IVD: variants seen among roughly 807,000 people sequenced by gnomAD.
IVD encodes the protein isovaleryl-CoA dehydrogenase, mitochondrial.
IVD carries 31 observed loss-of-function variants against 51.3 expected under a neutral mutation model. The ratio of observed to expected loss-of-function variants is 0.60; its 90% CI spans 0.45 to 0.81. The LOEUF is 0.81. Among genes scored for constraint, IVD ranks in the 40% least tolerant of loss-of-function variants. IVD has a pLI of 0.00. For synonymous variants in IVD, 205 were observed against 219.4 expected, an observed-to-expected ratio of 0.93 and a Z score of 0.58; for missense variants, 475 against 552.0, an observed-to-expected ratio of 0.86 and a Z score of 1.40.
At chr15:40,413,910 G>A (rs1891364791) in intron 7 of IVD, among the ~76,000 whole-genome samples, 1 of 152,032 alleles carries the variant, frequency 6.6e-6, no homozygotes, top group South Asian at 2.1e-4. Flanking sequence ...CCCAGGGCTG[G>A]AGTGCAATGG....
chr15:40,406,299 G>A (rs1284569831), intron 1 of IVD: 1 of 1,404,428 alleles, frequency 7.1e-7, no homozygotes, highest in Admixed American at 2.1e-5. Flanking sequence ...ACCGCTTGTG[G>A]CACAAGGGCC....
chr15:40,411,897 G>T (rs1891128291), intron 6 of IVD, among the ~76,000 whole-genome samples: 1 of 152,208 alleles, frequency 6.6e-6, no homozygotes, highest in Non-Finnish European at 1.5e-5. Context: ...GAAGACGGTG[G>T]AGCCGTCCTC....
At chr15:40,422,408 C>G (rs1253909563), downstream of IVD, among the ~76,000 whole-genome samples, 2 of 151,706 alleles carry the variant, frequency 1.3e-5, no homozygotes, top group Admixed American at 1.3e-4. Flanking sequence ...CTCAGCCTCC[C>G]GAGTAGCTGG....
At chr15:40,435,904 C>G (rs1893239645), downstream of IVD, 1 of 156,224 alleles carries the variant, frequency 6.4e-6, no homozygotes, top group African/African-American at 2.4e-5. Context: ...TTCCCTCGTC[C>G]TCAGCAGCCA....
chr15:40,419,169 G>T lies in IVD; in HGVS notation c.*906G>T. ...ACAAAACAAAAAAACCCTGGCCCTT[G>T]TTTCTTCCAGTTTCTAGAGGTATCA... On this transcript the variant is annotated 3_prime_UTR_variant, in exon 12 of 12. Transcript: ENST00000487418. The T allele has an allele frequency of 7.8e-7, 1 of 1,289,198 alleles. No homozygotes were observed. The highest frequency in any genetic ancestry group is 1.2e-5 in the South Asian group (1 of 81,010). The allele number at this position is 1,289,198 out of a possible 1,614,324, so 79.9% of individuals were successfully genotyped here.
At chr15:40,435,682 C>G, downstream of IVD, 1 of 1,028,100 alleles carries the variant, frequency 9.7e-7, no homozygotes, top group South Asian at 3.1e-5. Flanking sequence ...ACCCACTTCT[C>G]CAGCCTCATC....
intron 1 of IVD, among the ~76,000 whole-genome samples, chr15:40,407,315 T>C (rs939271630): frequency 6.6e-6 from 1 of 152,236 alleles, no homozygotes; most frequent in Non-Finnish European, 1.5e-5. Context: ...CTGGGGAAGC[T>C]AGGAGAGTCA....
chr15:40,418,499 A>G lies in IVD; in HGVS notation c.*236A>G. 2 of 1,348,136 alleles carry G rather than the reference A, an allele frequency of 1.5e-6. No homozygotes were observed. Among genetic ancestry groups the G allele is most frequent in the Non-Finnish European group, 1.9e-6 (2 of 1,043,146 alleles). 83.5% of individuals were successfully genotyped at this position (1,348,136 alleles called of 1,614,324 possible). A position where few individuals can be genotyped will look rare whatever the true frequency, so the allele number is the denominator to read the frequency against. On this transcript the variant is annotated 3_prime_UTR_variant, in exon 12 of 12. Transcript: ENST00000487418. ...ATTTAAAATGGACTCAGCAGGAAGC[A>G]TATTGTCTGGGGATTGTTGGGACAG... is the stretch of plus-strand genomic sequence containing the variant.
At chr15:40,422,811 G>T (rs1238973162), downstream of IVD, among the ~76,000 whole-genome samples, 1 of 124,242 alleles carries the variant, frequency 8.0e-6, no homozygotes, top group African/African-American at 2.7e-5. Context: ...TGTTGGCCAG[G>T]CTGGTCTCAA....
intron 10 of IVD, 26 bp from the exon 11 acceptor site, chr15:40,416,264 C>T (rs377138804): frequency 2.4e-4 from 387 of 1,613,994 alleles, no homozygotes; most frequent in Non-Finnish European, 3.0e-4. Context: ...TCGCAGGGCC[C>T]TGCTGACCCC....
chr15:40,435,354 GGTTGGCAGGCAGGAGCCGCTGGGGTTGT>G (rs1270091837), intron 8 of IVD: 13 of 994,566 alleles, frequency 1.3e-5, no homozygotes, highest in Non-Finnish European at 1.6e-5. Flanking sequence ...TAGAGCTCCT[GGTTGGCAGGCAGGAGCCGCTGGGGTTGT>G]GGACAGCGCT....
At chr15:40,412,851 C>T (rs1566937591) in intron 6 of IVD, 140 bp from the exon 7 acceptor site, 5 of 697,206 alleles carry the variant, frequency 7.2e-6, no homozygotes, top group Non-Finnish European at 1.3e-5. Context: ...CCGGGGGGAG[C>T]ATGGGACTAG....
At position 40,418,372 on chromosome 15, in the gene IVD, C is replaced by T; in HGVS notation, c.*109C>T. On this transcript the variant is annotated 3_prime_UTR_variant, in exon 12 of 12. Transcript: ENST00000487418. ...CAGCAGGCCCTCCTGCCCAGCTGCTCTTGTCAGCCCTCTGGCCTCTGGATG... is the reference window on the plus strand; with the variant it reads ...CAGCAGGCCCTCCTGCCCAGCTGCTTTTGTCAGCCCTCTGGCCTCTGGATG... The T allele has an allele frequency of 6.3e-7, 1 of 1,594,766 alleles. No individual in the cohort carries two copies. The highest frequency in any genetic ancestry group is 8.5e-7 in the Non-Finnish European group (1 of 1,175,164).
At chr15:40,429,441 C>A (rs1481021566), downstream of IVD, among the ~76,000 whole-genome samples, 2 of 152,174 alleles carry the variant, frequency 1.3e-5, no homozygotes, top group Non-Finnish European at 2.9e-5. Context: ...TATGAGACAT[C>A]TCAATTACTC....
intron 6 of IVD, 120 bp from the exon 7 acceptor site, chr15:40,412,871 A>G (rs1431834130): frequency 6.5e-6 from 5 of 769,188 alleles, no homozygotes; most frequent in Middle Eastern, 2.9e-4. Flanking sequence ...GGATGCTGCC[A>G]TGCTGTGCAG....
At position 40,419,135 on chromosome 15, in the gene IVD, AAAAAC is replaced by A. The variant is rs1193057986; in HGVS notation, c.*887_*891del. The A allele has an allele frequency of 1.7e-5, 22 of 1,288,792 alleles. No homozygotes were observed. The highest frequency in any genetic ancestry group is 5.6e-5 in the East Asian group (1 of 18,006). The allele number at this position is 1,288,792 out of a possible 1,614,324, so 79.8% of individuals were successfully genotyped here. A position where few individuals can be genotyped will look rare whatever the true frequency, so the allele number is the denominator to read the frequency against. On this transcript the variant is annotated 3_prime_UTR_variant, in exon 12 of 12. Coordinates refer to ENST00000487418, the MANE Select transcript of IVD (RefSeq NM_002225.5). ...TGGGCGACAAGAGCAAAACTCTTCA[AAAAAC>A]AAAACAAAACAAAAAAACCCTGGCC...
In IVD at chr15:40,408,009, C is replaced by T. The variant is rs1890652563; in HGVS notation, c.286+19C>T. The T allele has an allele frequency of 6.2e-7, 1 of 1,612,282 alleles. No homozygotes were observed. The highest frequency in any genetic ancestry group is 8.5e-7 in the Non-Finnish European group (1 of 1,178,382). On this transcript the variant is annotated intron_variant, in intron 3 of 11. Transcript: ENST00000487418. ...GCCCCTGGTGAGTATAGTGTCTTTC[C>T]CTAAAAAGAACTTTTCTTATGTGCC...
At chr15:40,431,127 GCTTT>G (rs1892946632) in intron 7 of IVD, among the ~76,000 whole-genome samples, 1 of 146,232 alleles carries the variant, frequency 6.8e-6, no homozygotes, top group South Asian at 2.2e-4. Flanking sequence ...CTATTATTAC[GCTTT>G]TTTTTTTTTT....
At chr15:40,430,286 A>G (rs1405625032) in intron 7 of IVD, among the ~76,000 whole-genome samples, 1 of 152,208 alleles carries the variant, frequency 6.6e-6, no homozygotes, top group Admixed American at 6.5e-5. Context: ...GGAGACGCAG[A>G]TGTGGTTTTC....
Sources: gnomAD v4.1 joint callset for allele counts (sites outside exome capture counted in the v4.1 genomes callset) on GRCh38, gnomAD v4.1.1 for gene constraint, MANE v1.5 for transcripts, NCBI Gene and HGNC (gene_info 2026-07-23, HGNC 2026-07-21) for gene names.